NINL: variants seen among roughly 807,000 people sequenced by gnomAD.
The protein encoded by NINL is ninein like.
NINL carries 153 observed loss-of-function variants against 160.3 expected under a neutral mutation model. The observed-to-expected ratio is 0.95, with a 90% CI of 0.84 to 1.09. The LOEUF is 1.09. Among genes scored for constraint, NINL ranks in the 50% least tolerant of loss-of-function variants. The probability of loss-of-function intolerance (pLI) is 0.00; values close to 1 mark genes in which losing one functional copy is unlikely to be tolerated. For missense variants in NINL, 1,829 were observed against 1,764.0 expected, an observed-to-expected ratio of 1.04 and a Z score of -0.66; for synonymous variants, 800 against 734.8, an observed-to-expected ratio of 1.09 and a Z score of -1.43.
intron 16 of NINL, among the ~76,000 whole-genome samples, chr20:25,477,627 T>C (rs2050097): frequency 0.13 from 19,605 of 152,240 alleles, 2,041 homozygotes; most frequent in East Asian, 0.57. Flanking sequence ...ATGTGGTCCA[T>C]GCCTGGCCAG....
At chr20:25,502,143 G>A (rs28733778) in intron 7 of NINL, among the ~76,000 whole-genome samples, 3,122 of 152,132 alleles carry the variant, frequency 0.021, 112 homozygotes, top group African/African-American at 0.069. Flanking sequence ...CACCACAAGT[G>A]GCTAATTTTT....
intron 13 of NINL, among the ~76,000 whole-genome samples, chr20:25,488,292 C>G (rs1256392156): frequency 5.9e-5 from 9 of 152,130 alleles, no homozygotes; most frequent in Admixed American, 5.9e-4. Flanking sequence ...GTGGTGCGAT[C>G]TCGGCTCACT....
chr20:25,480,942 C>T (rs1274283087), intron 14 of NINL, among the ~76,000 whole-genome samples: 2 of 152,068 alleles, frequency 1.3e-5, no homozygotes, highest in Non-Finnish European at 2.9e-5. Flanking sequence ...CTTGCACCTC[C>T]CTGCAGCTTC....
intron 8 of NINL, chr20:25,499,292 A>G (rs1285069667): frequency 1.1e-6 from 1 of 939,878 alleles, no homozygotes; most frequent in East Asian, 1.2e-4. Context: ...CCGCCACAGC[A>G]GCCTGAGGTC....
intron 3 of NINL, among the ~76,000 whole-genome samples, chr20:25,516,246 T>G (rs928841488): frequency 2.0e-5 from 3 of 152,216 alleles, no homozygotes; most frequent in Non-Finnish European, 4.4e-5. Context: ...TTAAACCTCT[T>G]TTCTTCATGA....
In NINL at chr20:25,476,860, G is replaced by T. The variant is rs751776740; in HGVS notation, c.2431C>A (p.Leu811Ile). ...SLALEEEELE[L>I]ARGKRVDGPS... ...CCGTCCACTCGCTTCCCGCGGGCAA[G>T]CTCCAACTCCTCCTCCTCGAGGGCC... The change falls in exon 17 of 24, where the codon CTT (leucine) becomes ATT (isoleucine). Residue 811 changes from leucine to isoleucine, a missense_variant. By Grantham distance (5) the Leu-to-Ile change is conservative (BLOSUM62 2). Coordinates refer to ENST00000278886, the MANE Select transcript of NINL (RefSeq NM_025176.6). The T allele has an allele frequency of 6.2e-7, 1 of 1,613,298 alleles. No individual in the cohort carries two copies. Among genetic ancestry groups the T allele is most frequent in the African/African-American group, 1.3e-5 (1 of 74,930 alleles).
chr20:25,486,153 T>G (rs187105767), intron 13 of NINL, among the ~76,000 whole-genome samples: 2 of 152,382 alleles, frequency 1.3e-5, no homozygotes, highest in Admixed American at 1.3e-4. Flanking sequence ...ACACGTGCTC[T>G]GTGCACTAGT....
chr20:25,557,018 A>G (rs570797463), intron 1 of NINL, among the ~76,000 whole-genome samples: 1 of 152,308 alleles, frequency 6.6e-6, no homozygotes, highest in East Asian at 1.9e-4. Context: ...AGTGATTGCT[A>G]ACAGGTACAG....
chr20:25,477,209 T>G, intron 16 of NINL, 120 bp from the exon 17 acceptor site: 1 of 957,148 alleles, frequency 1.0e-6, no homozygotes, highest in Non-Finnish European at 1.5e-6. Flanking sequence ...GCTTTCTTTA[T>G]CCCTCCTCGC....
rs751266408 is a variant in NINL, at chr20:25,510,735, G to C, written c.456C>G (p.Pro152=). The C allele has an allele frequency of 6.2e-7, 1 of 1,613,032 alleles. No individual in the cohort carries two copies. The highest frequency in any genetic ancestry group is 8.5e-7 in the Non-Finnish European group (1 of 1,179,400). The change falls in exon 5 of 24, where the codon CCC becomes CCG. Residue 152 remains proline (P), a synonymous_variant. Transcript: ENST00000278886. ...TGCTCTCGGCCTCTTCATCTGACTT[G>C]GGACTCTGTAGAAAGATGCAGAGAG... ...RSASLESVES[P]KSDEEAESTK... is the part of the protein sequence containing the mutation.
intron 1 of NINL, among the ~76,000 whole-genome samples, chr20:25,544,636 C>T (rs1568957550): frequency 6.6e-6 from 1 of 152,148 alleles, no homozygotes; most frequent in Admixed American, 6.5e-5. Context: ...GTTCTGAGTC[C>T]CACAACACTG....
intron 21 of NINL, among the ~76,000 whole-genome samples, chr20:25,460,098 C>A (rs1293744638): frequency 6.6e-6 from 1 of 152,172 alleles, no homozygotes; most frequent in Non-Finnish European, 1.5e-5. Flanking sequence ...CTACGAGGCC[C>A]CATCCCTCTT....
chr20:25,553,529 G>T (rs1224188657), intron 1 of NINL, among the ~76,000 whole-genome samples: 2 of 152,154 alleles, frequency 1.3e-5, no homozygotes, highest in African/African-American at 2.4e-5. Flanking sequence ...CCATGGCAAA[G>T]ATATTTTCCT....
chr20:25,511,396 G>A (rs2064067639), intron 4 of NINL, among the ~76,000 whole-genome samples: 2 of 152,212 alleles, frequency 1.3e-5, no homozygotes, highest in African/African-American at 4.8e-5. Context: ...TCGTGCTGCA[G>A]TGACTGCGTC....
chr20:25,487,515 T>G (rs1364172365), intron 13 of NINL, among the ~76,000 whole-genome samples: 1 of 152,232 alleles, frequency 6.6e-6, no homozygotes, highest in African/African-American at 2.4e-5. Context: ...GGGTTCAGTG[T>G]CTATTGTTAC....
intron 1 of NINL, among the ~76,000 whole-genome samples, chr20:25,548,178 G>A (rs1335202148): frequency 6.6e-6 from 1 of 152,192 alleles, no homozygotes; most frequent in Non-Finnish European, 1.5e-5. Flanking sequence ...GGTCGGGGGG[G>A]TTCTGCTGCA....
At chr20:25,469,921 A>C in intron 18 of NINL, 70 bp downstream of exon 18, 2 of 991,594 alleles carry the variant, frequency 2.0e-6, no homozygotes, top group Non-Finnish European at 3.2e-6. Context: ...CTATATGGAG[A>C]CTGCATAAGG....
chr20:25,533,355 G>A (rs948371541), intron 1 of NINL, among the ~76,000 whole-genome samples: 1 of 152,134 alleles, frequency 6.6e-6, no homozygotes, highest in Admixed American at 6.5e-5. Context: ...ATTTCAGCCA[G>A]GAAACAAAAC....
chr20:25,515,082 C>G (rs915693579), intron 3 of NINL, among the ~76,000 whole-genome samples: 1 of 152,152 alleles, frequency 6.6e-6, no homozygotes, highest in Non-Finnish European at 1.5e-5. Context: ...CCTCCAGACC[C>G]TAGAATGGTA....
Sources: allele counts gnomAD v4.1 joint callset (sites outside exome capture counted in the v4.1 genomes callset), GRCh38; gene constraint gnomAD v4.1.1; transcripts MANE v1.5; gene names NCBI Gene and HGNC (gene_info 2026-07-23, HGNC 2026-07-21).